EPHA5: variants seen among roughly 807,000 people sequenced by gnomAD.
EPHA5 encodes the protein EPH receptor A5.
In EPHA5, 60 loss-of-function variants were observed where a neutral mutation model predicts 105.0. That is an observed-to-expected ratio of 0.57 (90% confidence interval 0.46 to 0.71). EPHA5 has a LOEUF of 0.71. Ranked by LOEUF, EPHA5 falls within the 30% of genes least tolerant of loss-of-function variation. The probability of loss-of-function intolerance (pLI) is 0.00; values close to 1 mark genes in which losing one functional copy is unlikely to be tolerated. For synonymous variants in EPHA5, 513 were observed against 449.1 expected (o/e 1.14, Z -1.80); for missense variants, 1,218 against 1,274.7 (o/e 0.96, Z 0.68).
chr4:65,592,382 C>T (rs992789220), intron 3 of EPHA5, among the ~76,000 whole-genome samples: 10 of 151,974 alleles, frequency 6.6e-5, no homozygotes, highest in Admixed American at 5.9e-4. Flanking sequence ...GGAAACAAGG[C>T]AACTTGAATT....
At chr4:65,477,634 G>A (rs1052352180) in intron 5 of EPHA5, among the ~76,000 whole-genome samples, 3 of 152,004 alleles carry the variant, frequency 2.0e-5, no homozygotes, top group Admixed American at 1.3e-4. Flanking sequence ...GGATGGTCTC[G>A]ATCTCTTGAC....
chr4:65,444,507 A>G (rs1041012691), intron 5 of EPHA5, among the ~76,000 whole-genome samples: 10 of 152,140 alleles, frequency 6.6e-5, no homozygotes, highest in African/African-American at 2.2e-4. Context: ...TATCTTGTAT[A>G]TATACCTTGT....
chr4:65,477,478 T>C (rs987665165), intron 5 of EPHA5, among the ~76,000 whole-genome samples: 1 of 152,054 alleles, frequency 6.6e-6, no homozygotes, highest in Non-Finnish European at 1.5e-5. Flanking sequence ...AGTGGCGAGA[T>C]CTAGGCTCAG....
At chr4:65,516,224 C>T (rs1734089336) in intron 3 of EPHA5, among the ~76,000 whole-genome samples, 1 of 152,124 alleles carries the variant, frequency 6.6e-6, no homozygotes, top group Non-Finnish European at 1.5e-5. Flanking sequence ...GGAAGCCTTA[C>T]CAATAACATA....
chr4:65,427,801 C>T (rs4476654), intron 5 of EPHA5, among the ~76,000 whole-genome samples: 60,098 of 151,972 alleles, frequency 0.4, 12,636 homozygotes, highest in South Asian at 0.49. Context: ...GTGAATACAT[C>T]TTTGATTTTC....
intron 14 of EPHA5, among the ~76,000 whole-genome samples, chr4:65,347,774 T>C (rs1183492756): frequency 1.3e-5 from 2 of 152,130 alleles, no homozygotes; most frequent in Admixed American, 6.5e-5. Flanking sequence ...TCTTTGAAAA[T>C]GATACTGACA....
At chr4:65,475,502 G>A (rs1417871730) in intron 5 of EPHA5, among the ~76,000 whole-genome samples, 1 of 152,104 alleles carries the variant, frequency 6.6e-6, no homozygotes, top group Non-Finnish European at 1.5e-5. Context: ...AGCACACTAA[G>A]AAGATGTATA....
intron 2 of EPHA5, among the ~76,000 whole-genome samples, chr4:65,626,185 A>T (rs1386565947): frequency 3.3e-5 from 5 of 152,058 alleles, no homozygotes; most frequent in Non-Finnish European, 7.4e-5. Flanking sequence ...ACAATTTTAT[A>T]TTTAGAAAAA....
intron 3 of EPHA5, among the ~76,000 whole-genome samples, chr4:65,497,046 C>T (rs1732014145): frequency 1.3e-5 from 2 of 152,202 alleles, no homozygotes; most frequent in Middle Eastern, 6.8e-3. Context: ...ATGCTAATTG[C>T]TCAGTATGGG....
chr4:65,524,442 A>C (rs1287337157), intron 3 of EPHA5, among the ~76,000 whole-genome samples: 2 of 151,730 alleles, frequency 1.3e-5, no homozygotes, highest in East Asian at 3.9e-4. Context: ...TTACATACCA[A>C]CTTACATATC....
Position 65,490,514 on chromosome 4 carries a change from T to A in EPHA5, c.1265A>T (p.Lys422Ile), listed in dbSNP as rs138620350. The A allele has an allele frequency of 1.9e-6, 3 of 1,614,060 alleles. No individual in the cohort carries two copies. The African/African-American group carries it at 4.0e-5, about 22-fold the overall frequency. The change falls in exon 5 of 17, where the codon AAA becomes ATA. Residue 422 changes from lysine (K) to isoleucine (I), a missense_variant. By Grantham distance (102) the Lys-to-Ile change is moderately radical. Around this residue, in one of 3 missense-constraint regions of EPHA5, gnomAD observed 971 missense variants for 1,013.5 expected, o/e 0.96. Transcript: ENST00000613740. ...VRYLPRQSGLKNTSVMMVDLL... is the reference protein window; with the variant it reads ...VRYLPRQSGLINTSVMMVDLL... ...ATCCACCATCATGACAGAGGTGTTTTTCAGGCCGCTTTGCCGGGGAAGGTA... is the reference window on the plus strand; with the variant it reads ...ATCCACCATCATGACAGAGGTGTTTATCAGGCCGCTTTGCCGGGGAAGGTA...
intron 3 of EPHA5, among the ~76,000 whole-genome samples, chr4:65,508,311 C>T (rs1375969711): frequency 6.6e-6 from 1 of 152,060 alleles, no homozygotes; most frequent in Non-Finnish European, 1.5e-5. Flanking sequence ...ATAAGTCCAG[C>T]TATGAATCAT....
chr4:65,364,708 G>A (rs1717684407), intron 11 of EPHA5, among the ~76,000 whole-genome samples: 1 of 150,986 alleles, frequency 6.6e-6, no homozygotes. Context: ...TATTTCATTA[G>A]GATAAAAAGT....
At chr4:65,524,363 T>A (rs564211755) in intron 3 of EPHA5, among the ~76,000 whole-genome samples, 19 of 151,804 alleles carry the variant, frequency 1.3e-4, no homozygotes, top group Non-Finnish European at 2.4e-4. Context: ...TCATATAATA[T>A]CCTTTATTGT....
intron 5 of EPHA5, among the ~76,000 whole-genome samples, chr4:65,424,801 G>T (rs1193600174): frequency 1.3e-5 from 2 of 151,878 alleles, no homozygotes; most frequent in Non-Finnish European, 2.9e-5. Flanking sequence ...AAATTTCCTT[G>T]ATTTTATTAA....
chr4:65,519,793 T>C (rs1734494159), intron 3 of EPHA5, among the ~76,000 whole-genome samples: 1 of 151,950 alleles, frequency 6.6e-6, no homozygotes, highest in Admixed American at 6.6e-5. Context: ...TCAAAGAGAA[T>C]AAAATCCCTA....
At chr4:65,659,319 G>GAAAAAAAAAAAAAA (rs5858980) in intron 1 of EPHA5, among the ~76,000 whole-genome samples, 4 of 71,602 alleles carry the variant, frequency 5.6e-5, no homozygotes, top group African/African-American at 2.1e-4. Context: ...TAGAGTAACA[G>GAAAAAAAAAAAAAA]AAAAAAAAAA....
At chr4:65,613,843 G>A (rs1457961688) in intron 2 of EPHA5, among the ~76,000 whole-genome samples, 1 of 151,892 alleles carries the variant, frequency 6.6e-6, no homozygotes, top group African/African-American at 2.4e-5. Context: ...ATCATTAATT[G>A]AATGCAAATT....
At chr4:65,649,870 C>G (rs1440233519) in intron 1 of EPHA5, among the ~76,000 whole-genome samples, 1 of 152,088 alleles carries the variant, frequency 6.6e-6, no homozygotes, top group East Asian at 1.9e-4. Flanking sequence ...GGTTTTCTTA[C>G]CTCTCTAGCT....
Sources: gnomAD v4.1 joint callset for allele counts (sites outside exome capture counted in the v4.1 genomes callset) on GRCh38, gnomAD v4.1.1 for gene constraint, gnomAD v4.1.1 regional missense constraint, MANE v1.5 for transcripts, NCBI Gene and HGNC (gene_info 2026-07-23, HGNC 2026-07-21) for gene names.